Variants in SLC6A4 observed in about 807,000 individuals in gnomAD.
The protein encoded by SLC6A4 is solute carrier family 6 member 4.
In SLC6A4, 22 loss-of-function variants were observed where a neutral mutation model predicts 73.4. The observed-to-expected ratio is 0.30, with a 90% CI of 0.21 to 0.43. The LOEUF (loss-of-function observed/expected upper bound fraction) is 0.43, where lower values mean the gene tolerates loss of function less well. Ranked by LOEUF, SLC6A4 falls within the 20% of genes least tolerant of loss-of-function variation. SLC6A4 has a pLI of 1.00. For synonymous variants in SLC6A4, 270 were observed against 315.5 expected, an observed-to-expected ratio of 0.86 and a Z score of 1.53; for missense variants, 593 against 808.5, an observed-to-expected ratio of 0.73 and a Z score of 3.23.
At chr17:30,230,146 G>GGAGGAGGAA (rs1555591489) in intron 1 of SLC6A4, among the ~76,000 whole-genome samples, 23 of 129,826 alleles carry the variant, frequency 1.8e-4, no homozygotes, top group South Asian at 4.9e-4. Context: ...AGGAGGAGGA[G>GGAGGAGGAA]GAGGAAGAGG....
At chr17:30,229,795 C>T (rs1360433795) in intron 1 of SLC6A4, among the ~76,000 whole-genome samples, 3 of 151,962 alleles carry the variant, frequency 2.0e-5, no homozygotes, top group East Asian at 4.0e-4. Context: ...CCAAGGTGGG[C>T]GGATCACCTG....
rs55672810 is a variant in SLC6A4, at chr17:30,235,406, C to G, written c.-221+207G>C. Among the ~76,000 whole-genome samples the G allele has an allele frequency of 6.8e-3, 1,034 of 152,340 alleles. 6 individuals carry two copies. Among genetic ancestry groups the G allele is most frequent in the Middle Eastern group, 0.01 (3 of 294 alleles). On this transcript the variant is annotated intron_variant, in intron 1 of 14. Coordinates refer to ENST00000650711, the MANE Select transcript of SLC6A4 (RefSeq NM_001045.6). This position sits in a 1 kb window ranked among gnomAD's most constrained non-coding sequence, Gnocchi z 4.5. The stretch of plus-strand genomic sequence containing the variant: ...TTCGAGCACTCCACGTTCCTCGTCT[C>G]CCACTCTGGCCGGTCAGCTTCAGCT...
At chr17:30,214,428 AAAAAAAAAAAAAAG>A (rs1906486874) in intron 8 of SLC6A4, among the ~76,000 whole-genome samples, 1 of 150,184 alleles carries the variant, frequency 6.7e-6, no homozygotes, top group South Asian at 2.1e-4. Flanking sequence ...GTCTCAAAAA[AAAAAAAAAAAAAAG>A]AAAAGAAAAG....
chr17:30,200,985 G>A (rs1906014099), intron 14 of SLC6A4, among the ~76,000 whole-genome samples: 1 of 152,088 alleles, frequency 6.6e-6, no homozygotes, highest in Non-Finnish European at 1.5e-5. Flanking sequence ...GTTTCACCAT[G>A]TTGGCTAGGC....
intron 1 of SLC6A4, among the ~76,000 whole-genome samples, chr17:30,227,611 G>A (rs1906967933): frequency 1.3e-5 from 2 of 152,024 alleles, no homozygotes; most frequent in South Asian, 2.1e-4. Flanking sequence ...TCAGGCTCCC[G>A]AGTAGCTGAG....
In SLC6A4 at chr17:30,222,072, G is replaced by A. The variant is rs376687240; in HGVS notation, c.-114C>T. 15 of 1,569,022 alleles carry A rather than the reference G, an allele frequency of 9.6e-6. No individual in the cohort carries two copies. The highest frequency in any genetic ancestry group is 5.4e-5 in the African/African-American group (4 of 73,514). On this transcript the variant is annotated 5_prime_UTR_variant, in exon 3 of 15. The change creates a premature stop within an existing upstream ORF in the 5' untranslated region. Coordinates refer to ENST00000650711, the MANE Select transcript of SLC6A4 (RefSeq NM_001045.6). Reference sequence around the variant, plus strand: ...TCTCTATCGTCGGGATTGACACGTCGGGATTGACTCTGTTGGAAAGACACA... The same window carrying A: ...TCTCTATCGTCGGGATTGACACGTCAGGATTGACTCTGTTGGAAAGACACA...
At chr17:30,224,050 AG>A (rs1360061031) in intron 1 of SLC6A4, among the ~76,000 whole-genome samples, 3 of 152,230 alleles carry the variant, frequency 2.0e-5, no homozygotes, top group Non-Finnish European at 4.4e-5. Context: ...TTGTTTAAAA[AG>A]GCCTCTGTAC....
At chr17:30,219,597 G>C (rs1443198414) in intron 3 of SLC6A4, among the ~76,000 whole-genome samples, 1 of 152,192 alleles carries the variant, frequency 6.6e-6, no homozygotes, top group Non-Finnish European at 1.5e-5. Context: ...GAGCCAGAAT[G>C]CTCCCTGACA....
chr17:30,222,993 C>G (rs1906817991), intron 1 of SLC6A4, 78 bp from the exon 2 acceptor site: 2 of 448,270 alleles, frequency 4.5e-6, no homozygotes, highest in Non-Finnish European at 8.6e-6. Context: ...CTGGGAGGGC[C>G]TGGCCGGGGC....
At chr17:30,214,254 C>T (rs1438186697) in intron 8 of SLC6A4, among the ~76,000 whole-genome samples, 1 of 151,706 alleles carries the variant, frequency 6.6e-6, no homozygotes, top group Non-Finnish European at 1.5e-5. Flanking sequence ...GAAACCCCAT[C>T]TCTACTAAAA....
Position 30,221,804 on chromosome 17 carries a change from C to T in SLC6A4, c.155G>A (p.Ser52Asn). 1 of 1,614,180 alleles carries T rather than the reference C, an allele frequency of 6.2e-7. No homozygotes were observed. Among genetic ancestry groups the T allele is most frequent in the Non-Finnish European group, 8.5e-7 (1 of 1,180,026 alleles). Reference protein sequence around the residue: ...QISNGYSAVPSPGAGDDTRHS... With the variant: ...QISNGYSAVPNPGAGDDTRHS... Reference sequence around the variant, plus strand: ...CCGTGTGTCATCTCCCGCACCAGGACTTGGAACTGCTGAGTACCCATTGGA... The same window carrying T: ...CCGTGTGTCATCTCCCGCACCAGGATTTGGAACTGCTGAGTACCCATTGGA... Residue 52 changes from serine to asparagine, a missense_variant, in exon 3 of 15, where the codon AGT (serine) becomes AAT (asparagine). Coordinates refer to ENST00000650711, the MANE Select transcript of SLC6A4 (RefSeq NM_001045.6).
In SLC6A4 at chr17:30,213,673, A is replaced by G. The variant is rs544604690; in HGVS notation, c.1077-806T>C. 2.6e-5 allele frequency among the ~76,000 whole-genome samples: 4 copies of G among 152,342 alleles called. No individual in the cohort carries two copies. In the East Asian group the frequency reaches 7.7e-4, roughly 29 times the overall value. ...TACAATTATCTTATGCATAGCACAA[A>G]GAGATTGATGGATGCTGCCATCTGT... On this transcript the variant is annotated intron_variant, in intron 8 of 14. Transcript: ENST00000650711.
chr17:30,206,318 G>A (rs1331135897), intron 13 of SLC6A4: 1 of 151,598 alleles, frequency 6.6e-6, no homozygotes, highest in Non-Finnish European at 1.5e-5. Context: ...CTGCTGGTGT[G>A]CATGACATCA....
At chr17:30,209,002 G>A (rs779157633) in intron 12 of SLC6A4, 141 bp downstream of exon 12, 12 of 535,518 alleles carry the variant, frequency 2.2e-5, no homozygotes, top group Admixed American at 3.2e-5. Context: ...GCGCCTGGCC[G>A]AGACTCTTTT....
Position 30,194,522 on chromosome 17 carries a change from GATCAA to G in SLC6A4, c.*3929_*3933del, listed in dbSNP as rs1168721881. 6.6e-6 allele frequency: 1 copy of G among 152,012 alleles called. No individual in the cohort carries two copies. The highest frequency in any genetic ancestry group is 2.4e-5 in the African/African-American group (1 of 41,386). 9.4% of individuals were successfully genotyped at this position (152,012 alleles called of 1,614,324 possible). On this transcript the variant is annotated 3_prime_UTR_variant, in exon 15 of 15. Transcript: ENST00000650711. ...AAAGTATTCTGAAAAGTTGTATATA[GATCAA>G]ATCATAGTTTAAAGGCCATTCACAA...
chr17:30,205,098 G>A (rs1323278125), intron 13 of SLC6A4, among the ~76,000 whole-genome samples: 1 of 152,178 alleles, frequency 6.6e-6, no homozygotes, highest in Non-Finnish European at 1.5e-5. Flanking sequence ...AGTGAAGTAC[G>A]ATGTACAAGT....
chr17:30,220,032 G>A (rs773907002), intron 3 of SLC6A4, among the ~76,000 whole-genome samples: 1 of 152,318 alleles, frequency 6.6e-6, no homozygotes, highest in Non-Finnish European at 1.5e-5. Flanking sequence ...CAGGCTAAAG[G>A]TGAGTCCTCT....
At chr17:30,215,380 G>A (rs56320893) in intron 8 of SLC6A4, among the ~76,000 whole-genome samples, 52 of 152,336 alleles carry the variant, frequency 3.4e-4, no homozygotes, top group African/African-American at 1.2e-3. Flanking sequence ...TGACAAAACC[G>A]AAGGGCATGG....
At position 30,221,881 on chromosome 17, in the gene SLC6A4, A is replaced by G; in HGVS notation, c.78T>C (p.Val26=). ...EDGEDCQENG[V]LQKVVPTPGD... Reference sequence around the variant, plus strand: ...CTGGGGTGGGAACAACCTTCTGTAGAACTCCGTTTTCCTGACAATCTTCTC... The same window carrying G: ...CTGGGGTGGGAACAACCTTCTGTAGGACTCCGTTTTCCTGACAATCTTCTC... Residue 26 remains valine, a synonymous_variant, in exon 3 of 15, where the codon GTT becomes GTC. Coordinates refer to ENST00000650711, the MANE Select transcript of SLC6A4 (RefSeq NM_001045.6). 6.2e-7 allele frequency: 1 copy of G among 1,614,058 alleles called. No individual in the cohort carries two copies. Among genetic ancestry groups the G allele is most frequent in the Non-Finnish European group, 8.5e-7 (1 of 1,180,006 alleles).
Sources: allele counts gnomAD v4.1 joint callset (sites outside exome capture counted in the v4.1 genomes callset), GRCh38; gene constraint gnomAD v4.1.1; non-coding constraint Gnocchi (gnomAD v3.1); transcripts MANE v1.5; gene names NCBI Gene and HGNC (gene_info 2026-07-23, HGNC 2026-07-21).